Variants in SEMA3A observed in about 807,000 individuals in gnomAD.
The protein encoded by SEMA3A is semaphorin-3A.
Under a neutral mutation model 97.9 loss-of-function variants are expected in SEMA3A, and 29 were observed. That is an observed-to-expected ratio of 0.30 (90% CI 0.22 to 0.40). SEMA3A has a LOEUF of 0.40. Ranked by LOEUF, SEMA3A falls within the 10% of genes least tolerant of loss-of-function variation. The pLI is 1.00. For synonymous variants in SEMA3A, 321 were observed against 323.7 expected (o/e 0.99, Z 0.09); for missense variants, 763 against 951.3 (o/e 0.80, Z 2.60).
intron 1 of SEMA3A, among the ~76,000 whole-genome samples, chr7:84,403,219 G>T (rs889957591): frequency 6.6e-6 from 1 of 152,154 alleles, no homozygotes; most frequent in African/African-American, 2.4e-5. Flanking sequence ...TTTTCCAACG[G>T]GCTTAACAAA....
chr7:84,356,037 T>G (rs1802552991), intron 2 of SEMA3A, among the ~76,000 whole-genome samples: 1 of 151,954 alleles, frequency 6.6e-6, no homozygotes, highest in South Asian at 2.1e-4. Flanking sequence ...TATACTAATC[T>G]TTGCTACATG....
chr7:84,240,588 AAAG>A (rs1379759609), intron 3 of SEMA3A, among the ~76,000 whole-genome samples: 1 of 152,176 alleles, frequency 6.6e-6, no homozygotes, highest in Non-Finnish European at 1.5e-5. Flanking sequence ...AGAGCCTCGC[AAAG>A]AAGCATGGGA....
chr7:84,404,342 A>C (rs941428690), intron 1 of SEMA3A, among the ~76,000 whole-genome samples: 9 of 152,114 alleles, frequency 5.9e-5, no homozygotes, highest in African/African-American at 9.7e-5. Context: ...GAAGTTTAGA[A>C]AAAAAAGAAT....
At position 84,110,446 on chromosome 7, in the gene SEMA3A, T is replaced by C. The variant is rs1990044; in HGVS notation, c.453+24A>G. 891,849 of 1,610,834 alleles carry C rather than the reference T, an allele frequency of 0.55. 251,881 individuals carry two copies. Among genetic ancestry groups the C allele is most frequent in the East Asian group, 0.73 (32,671 of 44,802 alleles). The stretch of plus-strand genomic sequence containing the variant: ...AATAGAAAGGGGTCATGGACAAATA[T>C]AATTTTTAAAAAGCCAGCGTTACCT... On this transcript the variant is annotated intron_variant, in intron 4 of 16. Transcript: ENST00000265362.
intron 2 of SEMA3A, among the ~76,000 whole-genome samples, chr7:84,329,420 C>T (rs940298939): frequency 2.0e-5 from 3 of 151,960 alleles, no homozygotes; most frequent in African/African-American, 7.3e-5. Flanking sequence ...TTTTTCAGCT[C>T]ATCAGCTATT....
At chr7:84,239,324 A>G (rs1799307701) in intron 3 of SEMA3A, among the ~76,000 whole-genome samples, 2 of 152,170 alleles carry the variant, frequency 1.3e-5, no homozygotes. Flanking sequence ...CAATCAAGCA[A>G]AGGCTTTTGT....
chr7:84,436,774 T>A (rs1805143148), intron 1 of SEMA3A, among the ~76,000 whole-genome samples: 1 of 152,146 alleles, frequency 6.6e-6, no homozygotes, highest in Non-Finnish European at 1.5e-5. Flanking sequence ...GTAGAATGCT[T>A]CTCTTATGCA....
intron 1 of SEMA3A, among the ~76,000 whole-genome samples, chr7:84,152,848 T>C (rs1796720928): frequency 2.0e-5 from 3 of 152,248 alleles, no homozygotes; most frequent in Middle Eastern, 6.8e-3. Flanking sequence ...GGCATTTGTT[T>C]TTATTAGCTT....
At chr7:84,027,473 A>G (rs1475998197) in intron 6 of SEMA3A, among the ~76,000 whole-genome samples, 1 of 152,130 alleles carries the variant, frequency 6.6e-6, no homozygotes, top group Non-Finnish European at 1.5e-5. Flanking sequence ...AACCAGCACT[A>G]GTTTATTCTT....
At chr7:83,994,906 TC>T (rs1033928825) in intron 12 of SEMA3A, among the ~76,000 whole-genome samples, 2 of 151,986 alleles carry the variant, frequency 1.3e-5, no homozygotes, top group African/African-American at 2.4e-5. Flanking sequence ...CGGGCACCCC[TC>T]CCCCAGCCTA....
At chr7:84,393,887 C>A (rs1323546066) in intron 1 of SEMA3A, among the ~76,000 whole-genome samples, 3 of 152,060 alleles carry the variant, frequency 2.0e-5, no homozygotes, top group African/African-American at 4.8e-5. Context: ...AACTTTCTTG[C>A]CCCAAGACAA....
chr7:83,973,760 A>G (rs1218145193), intron 15 of SEMA3A, among the ~76,000 whole-genome samples: 1 of 152,196 alleles, frequency 6.6e-6, no homozygotes, highest in African/African-American at 2.4e-5. Context: ...GTGAGGTGCC[A>G]GGAAGGTAAT....
At chr7:84,246,822 A>C in intron 3 of SEMA3A, among the ~76,000 whole-genome samples, 1 of 152,128 alleles carries the variant, frequency 6.6e-6, no homozygotes, top group East Asian at 1.9e-4. Flanking sequence ...AATTAGTCTT[A>C]AGGGAGTCAT....
chr7:84,462,551 G>T (rs963403155), intron 1 of SEMA3A, among the ~76,000 whole-genome samples: 36 of 152,108 alleles, frequency 2.4e-4, no homozygotes, highest in African/African-American at 8.5e-4. Context: ...TGGTCTGGCT[G>T]GTTTCCCTTA....
Position 84,167,166 on chromosome 7 carries a change from G to T in SEMA3A, c.112+27309C>A, listed in dbSNP as rs1797239900. On this transcript the variant is annotated intron_variant, in intron 1 of 16. Transcript: ENST00000265362. ...AAATAAATAGAAGGGACCTAATCAG[G>T]ATTTCAGGATTGAACCCTAGAAAGG... Among the ~76,000 whole-genome samples, 5 of 127,470 alleles carry T rather than the reference G, an allele frequency of 3.9e-5. No individual in the cohort carries two copies. In the South Asian group the frequency reaches 1.2e-3, roughly 31 times the overall value. The allele number at this position is 127,470 out of a possible 152,430, so 83.6% of individuals were successfully genotyped here.
intron 1 of SEMA3A, among the ~76,000 whole-genome samples, chr7:84,399,227 A>C (rs1365596747): frequency 6.6e-6 from 1 of 152,146 alleles, no homozygotes; most frequent in South Asian, 2.1e-4. Context: ...CCACAGAGGG[A>C]GCATTTAGAA....
intron 12 of SEMA3A, among the ~76,000 whole-genome samples, chr7:83,992,569 C>A (rs7786257): frequency 3.4e-4 from 51 of 151,620 alleles, no homozygotes; most frequent in Admixed American, 3.1e-3. Context: ...CCTTCATTTC[C>A]TTATGTACCC....
At chr7:84,466,850 C>T (rs1372183489) in intron 1 of SEMA3A, among the ~76,000 whole-genome samples, 1 of 152,152 alleles carries the variant, frequency 6.6e-6, no homozygotes, top group Admixed American at 6.5e-5. Context: ...GAGGTAGCAC[C>T]ACTTTATCCC....
At chr7:84,351,247 A>G (rs1361247028) in intron 2 of SEMA3A, among the ~76,000 whole-genome samples, 2 of 152,116 alleles carry the variant, frequency 1.3e-5, no homozygotes, top group Non-Finnish European at 2.9e-5. Flanking sequence ...CTTTCCCATC[A>G]TAACATCCTT....
Sources: gnomAD v4.1 joint callset for allele counts (sites outside exome capture counted in the v4.1 genomes callset) on GRCh38, gnomAD v4.1.1 for gene constraint, MANE v1.5 for transcripts, NCBI Gene and HGNC (gene_info 2026-07-23, HGNC 2026-07-21) for gene names.